Variants in RBFOX1 observed in about 807,000 individuals in gnomAD.
The protein encoded by RBFOX1 is RNA binding fox-1 homolog 1, also known as RNA binding protein fox-1 homolog 1.
RBFOX1 carries 8 observed loss-of-function variants against 57.7 expected under a neutral mutation model. That is an observed-to-expected ratio of 0.14 (90% CI 0.08 to 0.25). The LOEUF is 0.25. RBFOX1 is among the 10% of genes least tolerant of loss of function. The pLI, the probability that RBFOX1 is intolerant of heterozygous loss-of-function variation, is 1.00. For synonymous variants in RBFOX1, 326 were observed against 222.4 expected (o/e 1.47, Z -4.15); for missense variants, 611 against 548.5 (o/e 1.11, Z -1.14).
chr16:5,466,066 G>A (rs1044794956), intron 1 of RBFOX1, among the ~76,000 whole-genome samples: 3 of 152,178 alleles, frequency 2.0e-5, no homozygotes, highest in Admixed American at 1.3e-4. Context: ...AAGGTCTGAC[G>A]TTTTGACAAG....
At chr16:7,509,418 GTGTGTGTGTGTGTC>G (rs1222403064) in intron 4 of RBFOX1, among the ~76,000 whole-genome samples, 162 of 150,616 alleles carry the variant, frequency 1.1e-3, no homozygotes, top group African/African-American at 3.1e-3. Flanking sequence ...GTGTGTGTGT[GTGTGTGTGTGTGTC>G]TGTGTCTGTG....
chr16:5,964,788 C>T (rs1049656690), intron 4 of RBFOX1, among the ~76,000 whole-genome samples: 3 of 151,740 alleles, frequency 2.0e-5, no homozygotes, highest in Admixed American at 2.0e-4. Context: ...CATATACACA[C>T]ACACATTGGT....
intron 3 of RBFOX1, among the ~76,000 whole-genome samples, chr16:6,674,667 G>C (rs1410393451): frequency 6.6e-6 from 1 of 152,110 alleles, no homozygotes; most frequent in South Asian, 2.1e-4. Flanking sequence ...TACGAATGTA[G>C]ACTCACGGGG....
chr16:7,274,305 GC>G, intron 4 of RBFOX1, among the ~76,000 whole-genome samples: 1 of 152,266 alleles, frequency 6.6e-6, no homozygotes, highest in African/African-American at 2.4e-5. Flanking sequence ...AAGGAGGTAC[GC>G]TTTGTTATCC....
chr16:5,593,496 A>G (rs892859493), intron 2 of RBFOX1, among the ~76,000 whole-genome samples: 3 of 152,172 alleles, frequency 2.0e-5, no homozygotes, highest in Non-Finnish European at 4.4e-5. Context: ...ATAATTTAGA[A>G]AAAAAAGATC....
At chr16:7,706,365 A>G (rs1338008374) in intron 14 of RBFOX1, among the ~76,000 whole-genome samples, 1 of 152,132 alleles carries the variant, frequency 6.6e-6, no homozygotes, top group Non-Finnish European at 1.5e-5. Flanking sequence ...ATGCTGCTGT[A>G]TTTTCCTTCT....
chr16:5,532,681 C>G (rs7191054), intron 2 of RBFOX1, among the ~76,000 whole-genome samples: 50,988 of 152,090 alleles, frequency 0.34, 10,014 homozygotes, highest in East Asian at 0.85. Context: ...CAATGCTGTG[C>G]TCTGAGCTTG....
chr16:6,759,833 C>G (rs946465680), intron 3 of RBFOX1, among the ~76,000 whole-genome samples: 1 of 152,088 alleles, frequency 6.6e-6, no homozygotes, highest in South Asian at 2.1e-4. Context: ...TTTATAATAG[C>G]AAGACAGTGG....
intron 14 of RBFOX1, among the ~76,000 whole-genome samples, chr16:7,690,244 A>G (rs531387300): frequency 6.6e-6 from 1 of 152,104 alleles, no homozygotes; most frequent in Non-Finnish European, 1.5e-5. Context: ...AACCTCTATG[A>G]ATCTAAGGAG....
intron 3 of RBFOX1, among the ~76,000 whole-genome samples, chr16:7,041,576 A>G (rs956846229): frequency 6.6e-6 from 1 of 152,180 alleles, no homozygotes; most frequent in Non-Finnish European, 1.5e-5. Context: ...ATTAAAGGAA[A>G]TGGAAGTTCT....
intron 2 of RBFOX1, among the ~76,000 whole-genome samples, chr16:5,536,875 A>T (rs192431807): frequency 1.1e-3 from 166 of 152,322 alleles, no homozygotes; most frequent in Non-Finnish European, 2.9e-4. Flanking sequence ...ATGAAGGTTT[A>T]TTCTAGCTTC....
intron 2 of RBFOX1, among the ~76,000 whole-genome samples, chr16:6,497,301 G>C (rs371545078): frequency 6.6e-6 from 1 of 152,144 alleles, no homozygotes; most frequent in Non-Finnish European, 1.5e-5. Context: ...GCTGGGATGT[G>C]TGGGTCAAAG....
In RBFOX1 at chr16:6,430,572, C is replaced by T. The variant is rs115772895; in HGVS notation, c.-64+113515C>T. On this transcript the variant is annotated intron_variant, in intron 2 of 15. Coordinates refer to ENST00000550418, the MANE Select transcript of RBFOX1 (RefSeq NM_018723.4). ...ACAGGCCAAAGAATGGAGTTAGGAA[C>T]GATGTGCTGTGCTTGGGAGCTGCAA... Among the ~76,000 whole-genome samples the T allele has an allele frequency of 3.3e-3, 500 of 152,150 alleles. 4 individuals carry two copies. Among genetic ancestry groups the T allele is most frequent in the African/African-American group, 0.011 (468 of 41,502 alleles).
At chr16:7,370,769 A>G (rs560868803) in intron 4 of RBFOX1, among the ~76,000 whole-genome samples, 1 of 152,314 alleles carries the variant, frequency 6.6e-6, no homozygotes, top group South Asian at 2.1e-4. Context: ...TGCTTTCTGA[A>G]CATTCATGCA....
rs1280970911 is a variant in RBFOX1 at position 6,500,888 on chromosome 16, T to TGTTTG, written c.-63-153715_-63-153714insGTTTG. On this transcript the variant is annotated intron_variant, in intron 2 of 15. Transcript: ENST00000550418. The stretch of plus-strand genomic sequence containing the variant: ...CCCTTGGGGAGTAGTTTTTTTTTTT[T>TGTTTG]TTTTTTTTTTTTTAATGCTGAGACA... Among the ~76,000 whole-genome samples, 80 of 22,170 alleles carry TGTTTG rather than the reference T, an allele frequency of 3.6e-3. 1 individual carries two copies. The highest frequency in any genetic ancestry group is 0.03 in the Middle Eastern group (2 of 66). The allele number at this position is 22,170 out of a possible 152,430, so 14.5% of individuals were successfully genotyped here.
chr16:5,588,537 G>T (rs1387120581), intron 2 of RBFOX1, among the ~76,000 whole-genome samples: 11 of 152,128 alleles, frequency 7.2e-5, no homozygotes, highest in Admixed American at 7.2e-4. Context: ...TTCATCTTCA[G>T]TGGCATCAGT....
rs4467078 is a variant in RBFOX1, at chr16:5,636,491, G to A, written c.318+37530G>A. Among the ~76,000 whole-genome samples, 494 of 152,282 alleles carry A rather than the reference G, an allele frequency of 3.2e-3. 2 individuals are homozygous for A. Among genetic ancestry groups the A allele is most frequent in the African/African-American group, 0.012 (479 of 41,560 alleles). ...CTGAAGGACTCCTCCCGCTCATGGGGCCAGGCATTAACGTTTTATTGGCTG... is the reference window on the plus strand; with the variant it reads ...CTGAAGGACTCCTCCCGCTCATGGGACCAGGCATTAACGTTTTATTGGCTG... On this transcript the variant is annotated intron_variant, in intron 3 of 19. Coordinates refer to the RBFOX1 transcript ENST00000641259.
intron 4 of RBFOX1, among the ~76,000 whole-genome samples, chr16:7,357,812 C>G (rs1003037667): frequency 1.3e-5 from 2 of 152,194 alleles, no homozygotes. Context: ...GCTCCTTCTC[C>G]CCTTCCTTAC....
At chr16:7,152,808 C>G (rs1192908265) in intron 4 of RBFOX1, among the ~76,000 whole-genome samples, 1 of 152,094 alleles carries the variant, frequency 6.6e-6, no homozygotes, top group Non-Finnish European at 1.5e-5. Context: ...ACCATTTTCC[C>G]TCCCTAGAAG....
Sources: allele counts gnomAD v4.1 joint callset (sites outside exome capture counted in the v4.1 genomes callset), GRCh38; gene constraint gnomAD v4.1.1; transcripts MANE v1.5; gene names NCBI Gene and HGNC (gene_info 2026-07-23, HGNC 2026-07-21).